Variants in KIF6 observed in about 807,000 individuals in gnomAD.
KIF6 encodes the protein kinesin family member 6.
KIF6 carries 106 observed loss-of-function variants against 112.7 expected under a neutral mutation model. The observed-to-expected ratio is 0.94, with a 90% confidence interval of 0.80 to 1.11. The LOEUF (loss-of-function observed/expected upper bound fraction) is 1.11. Ranked by LOEUF, KIF6 falls within the 50% of genes least tolerant of loss-of-function variation. KIF6 has a pLI of 0.00. For synonymous variants in KIF6, 339 were observed against 339.9 expected (o/e 1.00, Z 0.03); for missense variants, 929 against 964.0 (o/e 0.96, Z 0.48).
chr6:39,638,716 A>G (rs1242025238), intron 4 of KIF6, among the ~76,000 whole-genome samples: 3 of 152,132 alleles, frequency 2.0e-5, no homozygotes, highest in Non-Finnish European at 4.4e-5. Flanking sequence ...TGACCTAGTT[A>G]AGACATGTAT....
chr6:39,465,873 C>T (rs1414352419), intron 13 of KIF6, among the ~76,000 whole-genome samples: 3 of 152,190 alleles, frequency 2.0e-5, no homozygotes, highest in Non-Finnish European at 4.4e-5. Flanking sequence ...TTCCTCAAAT[C>T]CTCTTCTCCT....
chr6:39,664,269 A>G (rs1442439033), intron 3 of KIF6, among the ~76,000 whole-genome samples: 4 of 152,080 alleles, frequency 2.6e-5, no homozygotes, highest in African/African-American at 9.7e-5. Context: ...TAGCCTGAGA[A>G]TCACCATTTC....
At chr6:39,454,441 A>T (rs1462221703) in intron 13 of KIF6, among the ~76,000 whole-genome samples, 2 of 151,838 alleles carry the variant, frequency 1.3e-5, no homozygotes, top group African/African-American at 4.8e-5. Context: ...TAAATATGTG[A>T]CACCCGATAT....
intron 14 of KIF6, 58 bp downstream of exon 14, chr6:39,430,995 C>T: frequency 1.0e-6 from 1 of 987,674 alleles, no homozygotes; most frequent in African/African-American, 1.6e-5. Context: ...AAGCAAATCT[C>T]TTCTAGGCTG....
intron 3 of KIF6, among the ~76,000 whole-genome samples, chr6:39,683,524 G>C (rs1383594793): frequency 6.6e-6 from 1 of 152,156 alleles, no homozygotes; most frequent in Non-Finnish European, 1.5e-5. Context: ...TCAAGAATGT[G>C]ACTAGATACA....
intron 7 of KIF6, among the ~76,000 whole-genome samples, chr6:39,592,282 T>G (rs1781995858): frequency 6.6e-6 from 1 of 152,208 alleles, no homozygotes; most frequent in Admixed American, 6.5e-5. Context: ...GAAACTGTGC[T>G]TGCAATCAAT....
intron 6 of KIF6, among the ~76,000 whole-genome samples, chr6:39,604,145 T>C (rs946085528): frequency 5.3e-5 from 8 of 152,150 alleles, no homozygotes; most frequent in African/African-American, 1.9e-4. Flanking sequence ...CTCTGCTCAC[T>C]TGCTCTATCT....
intron 3 of KIF6, chr6:39,691,458 C>T (rs1399695508): frequency 6.6e-6 from 1 of 152,122 alleles, no homozygotes; most frequent in Non-Finnish European, 1.5e-5. Flanking sequence ...TTCCTTTCAA[C>T]CCTAGGTTTC....
chr6:39,513,928 A>G lies in KIF6; in HGVS notation c.1645+26075T>C, dbSNP rs148085016. ...CTCTCTATGGAAAATAATATTACAAAAAAAGTTTTTACATAAAGTGGTGAT... is the reference window on the plus strand; with the variant it reads ...CTCTCTATGGAAAATAATATTACAAGAAAAGTTTTTACATAAAGTGGTGAT... On this transcript the variant is annotated intron_variant, in intron 13 of 22. Transcript: ENST00000287152. Among the ~76,000 whole-genome samples, 4 of 152,338 alleles carry G rather than the reference A, an allele frequency of 2.6e-5. No homozygotes were observed. The East Asian group carries it at 7.7e-4, about 29-fold the overall frequency.
At chr6:39,586,767 G>C (rs1042297826) in intron 7 of KIF6, among the ~76,000 whole-genome samples, 1 of 152,078 alleles carries the variant, frequency 6.6e-6, no homozygotes, top group South Asian at 2.1e-4. Context: ...TACCAAAATT[G>C]GGCTGTACAC....
chr6:39,423,762 G>A (rs1001902811), intron 14 of KIF6, among the ~76,000 whole-genome samples: 11 of 151,970 alleles, frequency 7.2e-5, no homozygotes, highest in South Asian at 4.2e-4. Flanking sequence ...CTCCATTAGC[G>A]CCTTCCCTCA....
Position 39,343,428 on chromosome 6 carries a change from GC to G in KIF6, c.2428+280del. On this transcript the variant is annotated intron_variant, in intron 22 of 22. Transcript: ENST00000287152. This position sits in a 1 kb window ranked among gnomAD's most constrained non-coding sequence, Gnocchi z 4.1. ...GACTTTGGGAACAGAGAACAAAGGAGCTGAAGATCTGGAAGAGACAGAGAGC... is the reference window on the plus strand; with the variant it reads ...GACTTTGGGAACAGAGAACAAAGGAGTGAAGATCTGGAAGAGACAGAGAGC... 2.1e-6 allele frequency: 3 copies of G among 1,399,392 alleles called. No individual in the cohort carries two copies. Among genetic ancestry groups the G allele is most frequent in the Non-Finnish European group, 2.8e-6 (3 of 1,060,222 alleles). 86.7% of individuals were successfully genotyped at this position (1,399,392 alleles called of 1,614,324 possible).
At chr6:39,583,674 CTTTTTTTTTTTTTTTTTTTT>C (rs564229262) in intron 9 of KIF6, among the ~76,000 whole-genome samples, 8 of 71,706 alleles carry the variant, frequency 1.1e-4, no homozygotes, top group East Asian at 4.5e-4. Context: ...GATTTCACTT[CTTTTTTTTTTTTTTTTTTTT>C]TTTTTTTTTT....
At chr6:39,377,356 C>A (rs1766522941) in intron 16 of KIF6, among the ~76,000 whole-genome samples, 1 of 149,126 alleles carries the variant, frequency 6.7e-6, no homozygotes. Context: ...CCCTGCCGTC[C>A]CCCATCCCCC....
At position 39,613,173 on chromosome 6, in the gene KIF6, G is replaced by A. The variant is rs777355502; in HGVS notation, c.639+16C>T. The A allele has an allele frequency of 1.9e-6, 3 of 1,554,292 alleles. No homozygotes were observed. The highest frequency in any genetic ancestry group is 2.3e-5 in the East Asian group (1 of 42,576). ...TATAATGTTGAAGAAACAGCTTGCA[G>A]AGAGAAGTTTATTACCTCTGCAATC... On this transcript the variant is annotated intron_variant, in intron 6 of 22. Transcript: ENST00000287152.
At chr6:39,416,370 A>C (rs1464750087) in intron 15 of KIF6, among the ~76,000 whole-genome samples, 2 of 152,200 alleles carry the variant, frequency 1.3e-5, no homozygotes, top group East Asian at 1.9e-4. Flanking sequence ...GCAGGGTGTA[A>C]ATGAACATGT....
At chr6:39,370,975 A>G (rs1162466241) in intron 16 of KIF6, among the ~76,000 whole-genome samples, 2 of 152,160 alleles carry the variant, frequency 1.3e-5, no homozygotes, top group East Asian at 1.9e-4. Context: ...AGCACAGAAG[A>G]GAGGGAGGTT....
At chr6:39,561,069 C>A (rs771890372) in intron 10 of KIF6, among the ~76,000 whole-genome samples, 31 of 152,174 alleles carry the variant, frequency 2.0e-4, no homozygotes, top group Non-Finnish European at 3.7e-4. Context: ...TCTGCCTTTG[C>A]AATATAAGCA....
intron 5 of KIF6, among the ~76,000 whole-genome samples, chr6:39,631,223 T>C (rs1784337256): frequency 6.6e-6 from 1 of 152,136 alleles, no homozygotes; most frequent in South Asian, 2.1e-4. Context: ...TTTTTTTTTT[T>C]CAGAAGAGAT....
Sources: allele counts gnomAD v4.1 joint callset (sites outside exome capture counted in the v4.1 genomes callset), GRCh38; gene constraint gnomAD v4.1.1; non-coding constraint Gnocchi (gnomAD v3.1); transcripts MANE v1.5; gene names NCBI Gene and HGNC (gene_info 2026-07-23, HGNC 2026-07-21).